PCNP: variants seen among roughly 807,000 people sequenced by gnomAD.
The protein encoded by PCNP is PEST proteolytic signal containing nuclear protein.
A neutral mutation model predicts 21.8 loss-of-function variants in PCNP; 6 were observed. That is an observed-to-expected ratio of 0.28 (90% CI 0.15 to 0.54). PCNP has a LOEUF of 0.54. PCNP is among the 20% of genes least tolerant of loss of function. The pLI is 0.95. For synonymous variants in PCNP, 67 were observed against 73.2 expected, an observed-to-expected ratio of 0.92 and a Z score of 0.43; for missense variants, 161 against 215.5, an observed-to-expected ratio of 0.75 and a Z score of 1.58.
At chr3:101,591,988 G>A (rs949285485) in intron 4 of PCNP, among the ~76,000 whole-genome samples, 2 of 151,806 alleles carry the variant, frequency 1.3e-5, no homozygotes, top group East Asian at 1.9e-4. Flanking sequence ...CTCTGGCTGG[G>A]AGGCAACAGT....
At chr3:101,580,703 T>A (rs1205058273) in intron 2 of PCNP, among the ~76,000 whole-genome samples, 3 of 152,208 alleles carry the variant, frequency 2.0e-5, no homozygotes, top group Admixed American at 2.0e-4. Context: ...GATGTCAGCC[T>A]TAGATTAATA....
intron 1 of PCNP, chr3:101,579,536 CT>C (rs1324872801): frequency 4.8e-6 from 3 of 620,764 alleles, no homozygotes; most frequent in Admixed American, 4.2e-5. Flanking sequence ...AGGGTCTTGA[CT>C]TTTTGTGAAC....
rs1188305267 is a variant in PCNP, at chr3:101,593,975, CAT to C, written c.*1223_*1224del. 1 of 152,522 alleles carries C rather than the reference CAT, an allele frequency of 6.6e-6. No individual in the cohort carries two copies. Among genetic ancestry groups the C allele is most frequent in the Non-Finnish European group, 1.5e-5 (1 of 68,026 alleles). 9.4% of individuals were successfully genotyped at this position (152,522 alleles called of 1,614,324 possible). On this transcript the variant is annotated 3_prime_UTR_variant, in exon 5 of 5. Coordinates refer to ENST00000265260, the MANE Select transcript of PCNP (RefSeq NM_020357.3). ...TTTTTTTAAATGTGACAGTTAAACA[CAT>C]CTTTAAAAGCATAGTCACAGACAAA...
At position 101,576,840 on chromosome 3, in the gene PCNP, C is replaced by G. The variant is rs987829166; in HGVS notation, c.64+2561C>G. 29 of 1,609,676 alleles carry G rather than the reference C, an allele frequency of 1.8e-5. 1 individual carries two copies. In the South Asian group the frequency reaches 3.1e-4, roughly 17 times the overall value. On this transcript the variant is annotated intron_variant, in intron 1 of 4. Transcript: ENST00000265260. ...ACACCACATGAGCATATCTTCGGCCCACACCCTTAATGGCAGTGATGGCAA... is the reference window on the plus strand; with the variant it reads ...ACACCACATGAGCATATCTTCGGCCGACACCCTTAATGGCAGTGATGGCAA...
rs1322368226 is a variant in PCNP at position 101,585,609 on chromosome 3, T to G, written c.354+98T>G. On this transcript the variant is annotated intron_variant, in intron 3 of 4. Transcript: ENST00000265260. ...GTTATAATAGTATTAGTGAATTTTC[T>G]TTATAATAGTTTTTGTGTCTGTGTG... is the stretch of plus-strand genomic sequence containing the variant. The G allele has an allele frequency of 6.0e-6, 4 of 663,694 alleles. No homozygotes were observed. In the African/African-American group the frequency reaches 7.5e-5, roughly 12 times the overall value. The allele number at this position is 663,694 out of a possible 1,614,324, so 41.1% of individuals were successfully genotyped here.
intron 3 of PCNP, among the ~76,000 whole-genome samples, chr3:101,585,896 C>T (rs540494691): frequency 7.6e-4 from 115 of 152,166 alleles, no homozygotes; most frequent in African/African-American, 2.4e-3. Context: ...ATTGGCTAGG[C>T]GCGGTGTCTC....
chr3:101,587,936 C>T (rs1935617053), intron 3 of PCNP, among the ~76,000 whole-genome samples: 1 of 151,990 alleles, frequency 6.6e-6, no homozygotes, highest in Non-Finnish European at 1.5e-5. Context: ...ATTATTTTAC[C>T]CTTAATTTGT....
At chr3:101,592,462 C>T (rs1380588276) in intron 4 of PCNP, among the ~76,000 whole-genome samples, 165 bp from the exon 5 acceptor site, 1 of 152,156 alleles carries the variant, frequency 6.6e-6, no homozygotes. Context: ...GTATCAGCAC[C>T]ATGCCTGGCC....
chr3:101,581,581 A>T (rs1935222017), intron 2 of PCNP, among the ~76,000 whole-genome samples: 1 of 151,372 alleles, frequency 6.6e-6, no homozygotes, highest in Admixed American at 6.6e-5. Context: ...CCACAGGTGC[A>T]CGCCACCACG....
At chr3:101,588,538 G>C (rs1453537419) in intron 3 of PCNP, among the ~76,000 whole-genome samples, 1 of 151,720 alleles carries the variant, frequency 6.6e-6, no homozygotes, top group Non-Finnish European at 1.5e-5. Flanking sequence ...AAGTAACCTT[G>C]GATATATATT....
chr3:101,588,584 CTTAA>C (rs1402944102), intron 3 of PCNP, among the ~76,000 whole-genome samples: 56 of 152,018 alleles, frequency 3.7e-4, no homozygotes, highest in African/African-American at 1.4e-3. Flanking sequence ...AAGATAGCCA[CTTAA>C]TTAGTTAATT....
intron 3 of PCNP, among the ~76,000 whole-genome samples, chr3:101,589,131 C>T (rs575559671): frequency 1.3e-5 from 2 of 152,058 alleles, no homozygotes; most frequent in Non-Finnish European, 2.9e-5. Context: ...TTAACTGTCT[C>T]TTACTGTAAG....
chr3:101,586,570 G>GAGAGAGAGAGAGAGAGAGTTTCT (rs1935523173), intron 3 of PCNP, among the ~76,000 whole-genome samples: 1 of 52,576 alleles, frequency 1.9e-5, no homozygotes, highest in Non-Finnish European at 5.7e-5. Flanking sequence ...GTGTGTGTGT[G>GAGAGAGAGAGAGAGAGAGTTTCT]TGAGAGAGAG....
chr3:101,574,588 CG>C (rs138153783), intron 1 of PCNP, among the ~76,000 whole-genome samples: 1 of 152,134 alleles, frequency 6.6e-6, no homozygotes, highest in South Asian at 2.1e-4. Flanking sequence ...CCAGGAGCGG[CG>C]GTGCAGGAGC....
chr3:101,584,252 C>T (rs762864537), intron 2 of PCNP, among the ~76,000 whole-genome samples: 3 of 152,106 alleles, frequency 2.0e-5, no homozygotes, highest in Non-Finnish European at 2.9e-5. Context: ...TGAATGAAAT[C>T]GACCAGAGAA....
intron 2 of PCNP, among the ~76,000 whole-genome samples, chr3:101,583,887 C>T (rs1422300728): frequency 7.4e-6 from 1 of 134,512 alleles, no homozygotes; most frequent in Admixed American, 8.3e-5. Flanking sequence ...GGTCTCGGAA[C>T]TCCTGACCTC....
chr3:101,580,478 A>G (rs2108277129), intron 2 of PCNP, among the ~76,000 whole-genome samples: 1 of 152,148 alleles, frequency 6.6e-6, no homozygotes, highest in Admixed American at 6.5e-5. Flanking sequence ...TGTCAGAAAG[A>G]TTTTCCAAAG....
In PCNP at chr3:101,593,312, T is replaced by TA. The variant is rs1387510642; in HGVS notation, c.*560dup. ...TAGGTATTGCATTGCTATCCGTGGA[T>TA]ACAGACGCTTAGCTCTTAAAAGATT... On this transcript the variant is annotated 3_prime_UTR_variant, in exon 5 of 5. Transcript: ENST00000265260. 6.6e-6 allele frequency: 1 copy of TA among 152,668 alleles called. No homozygotes were observed. The highest frequency in any genetic ancestry group is 1.5e-5 in the Non-Finnish European group (1 of 68,032). 9.5% of individuals were successfully genotyped at this position (152,668 alleles called of 1,614,324 possible).
intron 2 of PCNP, among the ~76,000 whole-genome samples, chr3:101,582,527 G>T (rs1003897844): frequency 1.1e-4 from 16 of 152,170 alleles, no homozygotes; most frequent in Non-Finnish European, 4.4e-5. Flanking sequence ...AATTGAAATT[G>T]CTGGATTGAT....
Sources: allele counts gnomAD v4.1 joint callset (sites outside exome capture counted in the v4.1 genomes callset), GRCh38; gene constraint gnomAD v4.1.1; transcripts MANE v1.5; gene names NCBI Gene and HGNC (gene_info 2026-07-23, HGNC 2026-07-21).